Variants in PLPP1 observed in about 807,000 individuals in gnomAD.
PLPP1 encodes lipid phosphate phosphohydrolase 1a.
Under a neutral mutation model 31.2 loss-of-function variants are expected in PLPP1, and 24 were observed. The ratio of observed to expected loss-of-function variants is 0.77; its 90% CI spans 0.56 to 1.08. PLPP1 has a LOEUF of 1.08. Ranked by LOEUF, PLPP1 falls within the 50% of genes least tolerant of loss-of-function variation. The pLI, the probability that PLPP1 is intolerant of heterozygous loss-of-function variation, is 0.00. For missense variants in PLPP1, 319 were observed against 342.7 expected (o/e 0.93, Z 0.55); for synonymous variants, 146 against 126.3 (o/e 1.16, Z -1.05).
At position 55,501,495 on chromosome 5, in the gene PLPP1, C is replaced by A. The variant is rs1355883785; in HGVS notation, c.59-26045G>T. Among the ~76,000 whole-genome samples the A allele has an allele frequency of 2.0e-5, 3 of 152,054 alleles. No homozygotes were observed. The East Asian group carries it at 5.8e-4, about 29-fold the overall frequency. On this transcript the variant is annotated intron_variant, in intron 1 of 5. Coordinates refer to ENST00000307259, the MANE Select transcript of PLPP1 (RefSeq NM_003711.4). ...ATGATTTCCTTAAAAATGTATGAAACAAAGCTAATTTATTTATTTATTTTT... is the reference window on the plus strand; with the variant it reads ...ATGATTTCCTTAAAAATGTATGAAAAAAAGCTAATTTATTTATTTATTTTT...
intron 1 of PLPP1, among the ~76,000 whole-genome samples, chr5:55,527,276 G>A (rs1245087715): frequency 6.6e-6 from 1 of 152,196 alleles, no homozygotes. Flanking sequence ...ATGGTAATAA[G>A]AAATGGCATC....
chr5:55,444,932 T>C (rs1463163525), intron 3 of PLPP1, among the ~76,000 whole-genome samples: 4 of 152,124 alleles, frequency 2.6e-5, no homozygotes, highest in African/African-American at 9.7e-5. Flanking sequence ...GTATTTTTAG[T>C]AGAGATGGGG....
intron 1 of PLPP1, among the ~76,000 whole-genome samples, chr5:55,508,681 AGCT>A (rs1753336957): frequency 6.6e-6 from 1 of 152,244 alleles, no homozygotes; most frequent in Non-Finnish European, 1.5e-5. Context: ...AACAGACACT[AGCT>A]GGTGCTAGAG....
At chr5:55,502,844 G>A (rs889588501) in intron 1 of PLPP1, among the ~76,000 whole-genome samples, 5 of 151,982 alleles carry the variant, frequency 3.3e-5, no homozygotes, top group Non-Finnish European at 5.9e-5. Flanking sequence ...ACTCCCCCAC[G>A]TGCATACATT....
At chr5:55,469,299 C>A (rs9686635) in intron 2 of PLPP1, among the ~76,000 whole-genome samples, 101,492 of 151,550 alleles carry the variant, frequency 0.67, 35,337 homozygotes, top group Non-Finnish European at 0.78. Context: ...ACCAGCCTGG[C>A]CAATATGGTG....
chr5:55,468,074 C>T lies in PLPP1; in HGVS notation c.286G>A (p.Ala96Thr), dbSNP rs750975037. The change falls in exon 3 of 6, where the codon GCC becomes ACC. Residue 96 changes from alanine (A) to threonine (T), a missense_variant. Physicochemically the swap from Ala to Thr is moderately conservative, Grantham distance 58. Transcript: ENST00000307259. ...SNSFIRNNYI[A>T]TIYKAIGTFL... Reference sequence around the variant, plus strand: ...GTTCCAATGGCTTTGTAAATAGTGGCTATGTAGTTATTCCTGATAAAGGAA... The same window carrying T: ...GTTCCAATGGCTTTGTAAATAGTGGTTATGTAGTTATTCCTGATAAAGGAA... 2.5e-6 allele frequency: 4 copies of T among 1,613,816 alleles called. No individual in the cohort carries two copies. Among genetic ancestry groups the T allele is most frequent in the Admixed American group, 1.7e-5 (1 of 59,988 alleles).
intron 1 of PLPP1, among the ~76,000 whole-genome samples, chr5:55,521,521 A>G (rs1753667813): frequency 6.6e-6 from 1 of 151,938 alleles, no homozygotes; most frequent in Non-Finnish European, 1.5e-5. Context: ...TGTCTCAAAA[A>G]AAAACAAAAA....
chr5:55,496,407 C>G (rs2111867881), intron 1 of PLPP1, among the ~76,000 whole-genome samples: 1 of 152,286 alleles, frequency 6.6e-6, no homozygotes, highest in African/African-American at 2.4e-5. Context: ...GTGGCTCACC[C>G]TCTACCTGGG....
intron 3 of PLPP1, among the ~76,000 whole-genome samples, chr5:55,445,552 T>C (rs1280338870): frequency 7.2e-6 from 1 of 139,500 alleles, no homozygotes; most frequent in Non-Finnish European, 1.5e-5. Context: ...TTTTTTTTTT[T>C]TTTTTTTTTT....
chr5:55,491,446 T>G (rs954319082), intron 1 of PLPP1, among the ~76,000 whole-genome samples: 1 of 150,932 alleles, frequency 6.6e-6, no homozygotes, highest in Admixed American at 6.7e-5. Flanking sequence ...CATTTTGCAT[T>G]CTGTAGTTAA....
intron 4 of PLPP1, among the ~76,000 whole-genome samples, chr5:55,436,509 A>G (rs555213107): frequency 2.6e-5 from 4 of 152,200 alleles, no homozygotes; most frequent in East Asian, 1.9e-4. Context: ...TGGGAGTCCA[A>G]TTAAACCTCT....
intron 1 of PLPP1, among the ~76,000 whole-genome samples, chr5:55,512,995 T>C (rs908272004): frequency 6.6e-6 from 1 of 152,212 alleles, no homozygotes; most frequent in Non-Finnish European, 1.5e-5. Flanking sequence ...TTTAAAGAAC[T>C]TGTGACCTGT....
At chr5:55,494,945 CCT>C (rs1198302790) in intron 1 of PLPP1, among the ~76,000 whole-genome samples, 4 of 135,288 alleles carry the variant, frequency 3.0e-5, no homozygotes, top group Admixed American at 1.6e-4. Context: ...ATGGCGAAAC[CCT>C]GTCTCTACTA....
At chr5:55,466,946 C>T (rs908179768) in intron 3 of PLPP1, among the ~76,000 whole-genome samples, 5 of 152,168 alleles carry the variant, frequency 3.3e-5, no homozygotes, top group African/African-American at 1.2e-4. Context: ...GGCTCTGCTA[C>T]TAATTAGTGG....
chr5:55,493,466 G>A (rs1752939933), intron 1 of PLPP1, among the ~76,000 whole-genome samples: 2 of 152,146 alleles, frequency 1.3e-5, no homozygotes, highest in African/African-American at 4.8e-5. Flanking sequence ...ATAGGACTCA[G>A]GCATGGTGAC....
At chr5:55,531,186 A>G (rs983148745) in intron 1 of PLPP1, among the ~76,000 whole-genome samples, 6 of 152,208 alleles carry the variant, frequency 3.9e-5, no homozygotes, top group African/African-American at 1.4e-4. Flanking sequence ...TTTTTCCAAG[A>G]ATTTACCATA....
chr5:55,502,347 C>T (rs904178777), intron 1 of PLPP1, among the ~76,000 whole-genome samples: 26 of 152,136 alleles, frequency 1.7e-4, no homozygotes, highest in Non-Finnish European at 5.9e-5. Flanking sequence ...ATTAGCCAGG[C>T]ATGGTGGCGC....
chr5:55,513,931 G>T (rs996903575), intron 1 of PLPP1, among the ~76,000 whole-genome samples: 1 of 152,128 alleles, frequency 6.6e-6, no homozygotes, highest in Non-Finnish European at 1.5e-5. Context: ...GGTGGGGATT[G>T]AGAGCACATT....
chr5:55,491,860 G>A (rs1188762029), intron 1 of PLPP1, among the ~76,000 whole-genome samples: 107 of 102,238 alleles, frequency 1.0e-3, no homozygotes, highest in South Asian at 1.6e-3. Context: ...TCAATCTCAG[G>A]AAAAAAAAAA....
Sources: gnomAD v4.1 joint callset for allele counts (sites outside exome capture counted in the v4.1 genomes callset) on GRCh38, gnomAD v4.1.1 for gene constraint, MANE v1.5 for transcripts, NCBI Gene and HGNC (gene_info 2026-07-23, HGNC 2026-07-21) for gene names.